The following LRP1B variants were observed in gnomAD, a reference collection of about 807,000 sequenced individuals.
The protein encoded by LRP1B is low-density lipoprotein receptor-related protein 1B.
Under a neutral mutation model 556.6 loss-of-function variants are expected in LRP1B, and 217 were observed. The ratio of observed to expected loss-of-function variants is 0.39; its 90% CI spans 0.35 to 0.44. LRP1B has a LOEUF of 0.44. Ranked by LOEUF, LRP1B falls within the 20% of genes least tolerant of loss-of-function variation. The pLI is 1.00. For synonymous variants in LRP1B, 2,047 were observed against 1,865.8 expected, an observed-to-expected ratio of 1.10 and a Z score of -2.50; for missense variants, 5,053 against 5,620.8, an observed-to-expected ratio of 0.90 and a Z score of 3.23.
At chr2:141,359,267 G>GAAAAAAAAAAAAA (rs60786833) in intron 3 of LRP1B, among the ~76,000 whole-genome samples, 1 of 123,502 alleles carries the variant, frequency 8.1e-6, no homozygotes, top group African/African-American at 3.1e-5. Flanking sequence ...CAAAATAAAT[G>GAAAAAAAAAAAAA]AAAAAAAAAA....
chr2:141,849,891 G>A (rs1697784879), intron 1 of LRP1B, among the ~76,000 whole-genome samples: 2 of 151,744 alleles, frequency 1.3e-5, no homozygotes, highest in South Asian at 4.1e-4. Context: ...TAAGAAAACA[G>A]AGACAATTGA....
At chr2:141,629,810 T>G (rs1168105878) in intron 2 of LRP1B, among the ~76,000 whole-genome samples, 1 of 152,124 alleles carries the variant, frequency 6.6e-6, no homozygotes, top group African/African-American at 2.4e-5. Flanking sequence ...CAGAATCCTC[T>G]TTCTTCTTAT....
intron 27 of LRP1B, among the ~76,000 whole-genome samples, chr2:140,857,644 C>G (rs1692659236): frequency 6.6e-6 from 1 of 152,006 alleles, no homozygotes; most frequent in South Asian, 2.1e-4. Flanking sequence ...TTATGTCATA[C>G]TTTATGAATT....
At position 140,283,685 on chromosome 2, in the gene LRP1B, C is replaced by G. The variant is rs566043105; in HGVS notation, c.12968-9087G>C. On this transcript the variant is annotated intron_variant, in intron 84 of 90. Coordinates refer to ENST00000389484, the MANE Select transcript of LRP1B (RefSeq NM_018557.3). The stretch of plus-strand genomic sequence containing the variant: ...TATCAGCATTTAAATTTTTGACAAA[C>G]TGCCATTGTAAAATGCATATTAACA... Among the ~76,000 whole-genome samples, 6 of 151,746 alleles carry G rather than the reference C, an allele frequency of 4.0e-5. No homozygotes were observed. In the East Asian group the frequency reaches 1.2e-3, roughly 30 times the overall value.
At chr2:140,835,730 G>T (rs953626394) in intron 31 of LRP1B, among the ~76,000 whole-genome samples, 1 of 151,840 alleles carries the variant, frequency 6.6e-6, no homozygotes, top group African/African-American at 2.4e-5. Flanking sequence ...GTAGAGATGG[G>T]TTTTCACCAT....
At chr2:141,248,968 C>G (rs1264126086) in intron 4 of LRP1B, among the ~76,000 whole-genome samples, 2 of 152,034 alleles carry the variant, frequency 1.3e-5, no homozygotes, top group Non-Finnish European at 2.9e-5. Context: ...TTGGATGTGA[C>G]AGAAGTGAAA....
chr2:140,932,893 A>ACACACACACG (rs1222826666), intron 20 of LRP1B, among the ~76,000 whole-genome samples: 2 of 148,706 alleles, frequency 1.3e-5, no homozygotes, highest in Admixed American at 6.8e-5. Context: ...CTATACACAC[A>ACACACACACG]CACACACACA....
At chr2:140,690,443 T>G (rs1228395935) in intron 41 of LRP1B, among the ~76,000 whole-genome samples, 1 of 152,168 alleles carries the variant, frequency 6.6e-6, no homozygotes, top group Non-Finnish European at 1.5e-5. Context: ...CAAAGAAAAT[T>G]CATATGCTTT....
At chr2:141,591,339 G>GTTTTT (rs763188284) in intron 2 of LRP1B, among the ~76,000 whole-genome samples, 2 of 66,250 alleles carry the variant, frequency 3.0e-5, no homozygotes, top group African/African-American at 1.1e-4. Flanking sequence ...TTTAGTACTG[G>GTTTTT]TTTTTTTTTG....
At chr2:141,880,405 CAT>C (rs771624275) in intron 1 of LRP1B, among the ~76,000 whole-genome samples, 5 of 151,930 alleles carry the variant, frequency 3.3e-5, no homozygotes, top group Non-Finnish European at 7.4e-5. Flanking sequence ...ATATGTGATA[CAT>C]ATGTGAACCA....
intron 35 of LRP1B, among the ~76,000 whole-genome samples, chr2:140,729,640 G>A (rs140393837): frequency 6.6e-6 from 1 of 152,264 alleles, no homozygotes; most frequent in African/African-American, 2.4e-5. Flanking sequence ...AGGAGACACA[G>A]AAGTGACCAA....
intron 20 of LRP1B, among the ~76,000 whole-genome samples, chr2:140,945,693 C>A (rs556251270): frequency 2.7e-5 from 4 of 149,454 alleles, no homozygotes; most frequent in Admixed American, 6.7e-5. Flanking sequence ...TTACTATATA[C>A]AAAAAAAAAT....
At chr2:142,008,546 G>A (rs1211677937) in intron 1 of LRP1B, among the ~76,000 whole-genome samples, 1 of 151,122 alleles carries the variant, frequency 6.6e-6, no homozygotes, top group Non-Finnish European at 1.5e-5. Context: ...CTTTCTTTCA[G>A]GGGCCTGTTT....
intron 32 of LRP1B, among the ~76,000 whole-genome samples, chr2:140,803,741 G>A (rs1249145630): frequency 2.6e-5 from 4 of 152,042 alleles, no homozygotes; most frequent in Admixed American, 2.6e-4. Context: ...GTAGATCATA[G>A]TTTACAAATT....
At chr2:141,245,653 T>G (rs1558957197) in intron 5 of LRP1B, among the ~76,000 whole-genome samples, 1 of 152,214 alleles carries the variant, frequency 6.6e-6, no homozygotes, top group African/African-American at 2.4e-5. Flanking sequence ...TAATTAGCAT[T>G]ATCTTATTGT....
At chr2:141,770,168 T>A (rs548994637) in intron 2 of LRP1B, among the ~76,000 whole-genome samples, 1 of 152,300 alleles carries the variant, frequency 6.6e-6, no homozygotes, top group South Asian at 2.1e-4. Context: ...TTCTTTTTTT[T>A]TTTCACAATA....
chr2:140,352,647 A>G (rs1682025033), intron 76 of LRP1B, among the ~76,000 whole-genome samples: 1 of 152,086 alleles, frequency 6.6e-6, no homozygotes, highest in African/African-American at 2.4e-5. Flanking sequence ...CTTAGAGCAG[A>G]CCATCAAGAG....
At chr2:141,473,805 C>T (rs71417144) in intron 3 of LRP1B, among the ~76,000 whole-genome samples, 22,557 of 139,750 alleles carry the variant, frequency 0.16, 2,269 homozygotes, top group African/African-American at 0.29. Flanking sequence ...TATAACATTG[C>T]AAGTGTTATG....
At chr2:141,473,814 TGCAACTA>T (rs1682573446) in intron 3 of LRP1B, among the ~76,000 whole-genome samples, 1 of 36,938 alleles carries the variant, frequency 2.7e-5, no homozygotes, top group South Asian at 2.7e-3. Context: ...GCAAGTGTTA[TGCAACTA>T]TATACCTCTT....
Sources: gnomAD v4.1 joint callset for allele counts (sites outside exome capture counted in the v4.1 genomes callset) on GRCh38, gnomAD v4.1.1 for gene constraint, MANE v1.5 for transcripts, NCBI Gene and HGNC (gene_info 2026-07-23, HGNC 2026-07-21) for gene names.